The following TTC23 variants were observed in gnomAD, a reference collection of about 807,000 sequenced individuals.
The protein encoded by TTC23 is tetratricopeptide repeat protein 23.
TTC23 carries 58 observed loss-of-function variants against 55.1 expected under a neutral mutation model. That is an observed-to-expected ratio of 1.05 (90% confidence interval 0.85 to 1.31). TTC23 has a LOEUF of 1.31. Among genes scored for constraint, TTC23 ranks in the 50% most tolerant of loss-of-function variants. TTC23 has a pLI of 0.00. For synonymous variants in TTC23, 203 were observed against 199.9 expected, an observed-to-expected ratio of 1.02 and a Z score of -0.13; for missense variants, 516 against 534.4, an observed-to-expected ratio of 0.97 and a Z score of 0.34.
At chr15:99,138,495 G>A (rs1310544930) in intron 13 of TTC23, among the ~76,000 whole-genome samples, 1 of 152,100 alleles carries the variant, frequency 6.6e-6, no homozygotes, top group Non-Finnish European at 1.5e-5. Context: ...TGTATTTTTA[G>A]TAGAGACGAA....
chr15:99,249,165 C>T lies in TTC23; in HGVS notation c.-431+6G>A, dbSNP rs2080516656. 1.3e-5 allele frequency: 2 copies of T among 152,122 alleles called. No homozygotes were observed. The highest frequency in any genetic ancestry group is 6.5e-5 in the Admixed American group (1 of 15,272). The allele number at this position is 152,122 out of a possible 1,614,324, so 9.4% of individuals were successfully genotyped here. A position where few individuals can be genotyped will look rare whatever the true frequency, so the allele number is the denominator to read the frequency against. On this transcript the variant is annotated splice_donor_region_variant and intron_variant, in intron 1 of 13. Transcript: ENST00000394132. The stretch of plus-strand genomic sequence containing the variant: ...ATAGTTAATCTTATTATCTTGCCTC[C>T]TTTACCTTTCAAAAATCCACTGATA...
chr15:99,182,262 A>T (rs1464266808), intron 9 of TTC23, among the ~76,000 whole-genome samples: 2 of 150,812 alleles, frequency 1.3e-5, no homozygotes, highest in Non-Finnish European at 1.5e-5. Context: ...ACACACACAC[A>T]CACACACACA....
At chr15:99,251,101 TGAAG>T (rs1165124044), upstream of TTC23, 1 of 152,126 alleles carries the variant, frequency 6.6e-6, no homozygotes, top group African/African-American at 2.4e-5. Context: ...AATGTATGAA[TGAAG>T]GAACAGGTCA....
At chr15:99,138,275 A>G in intron 13 of TTC23, 148 bp from the exon 14 acceptor site, 1 of 912,374 alleles carries the variant, frequency 1.1e-6, no homozygotes, top group Non-Finnish European at 1.6e-6. Flanking sequence ...TGTAGCACAG[A>G]GCATAAAACA....
At chr15:99,205,129 G>A (rs2076519712) in intron 8 of TTC23, among the ~76,000 whole-genome samples, 1 of 152,096 alleles carries the variant, frequency 6.6e-6, no homozygotes, top group East Asian at 1.9e-4. Context: ...TTTATTTCCG[G>A]GGTTTCTATT....
intron 9 of TTC23, among the ~76,000 whole-genome samples, chr15:99,177,284 C>A (rs1295535614): frequency 1.3e-5 from 2 of 152,176 alleles, no homozygotes; most frequent in African/African-American, 4.8e-5. Flanking sequence ...CAACAATATC[C>A]TTTGCTTTAA....
At chr15:99,187,849 T>C (rs1403334366) in intron 9 of TTC23, among the ~76,000 whole-genome samples, 1 of 152,054 alleles carries the variant, frequency 6.6e-6, no homozygotes, top group Admixed American at 6.5e-5. Context: ...TAAGAAGTGT[T>C]GGTGAGGATG....
At chr15:99,143,538 C>T (rs2068486345) in intron 12 of TTC23, among the ~76,000 whole-genome samples, 1 of 152,232 alleles carries the variant, frequency 6.6e-6, no homozygotes, top group Non-Finnish European at 1.5e-5. Context: ...TATGCTGCTC[C>T]TTGTAATCAG....
At chr15:99,235,444 CA>C (rs2042881550) in intron 3 of TTC23, among the ~76,000 whole-genome samples, 1 of 150,288 alleles carries the variant, frequency 6.7e-6, no homozygotes, top group African/African-American at 2.5e-5. Context: ...GATCTCGGCT[CA>C]CTGCAATCTC....
chr15:99,177,277 C>G (rs941896722), intron 9 of TTC23, among the ~76,000 whole-genome samples: 1 of 152,190 alleles, frequency 6.6e-6, no homozygotes, highest in Non-Finnish European at 1.5e-5. Flanking sequence ...TAAGTGCCAA[C>G]AATATCCTTT....
intron 10 of TTC23, among the ~76,000 whole-genome samples, chr15:99,171,736 G>C (rs949680860): frequency 6.6e-6 from 1 of 150,662 alleles, no homozygotes; most frequent in South Asian, 2.1e-4. Flanking sequence ...CTAATTTTTT[G>C]TATTTTTAGT....
At chr15:99,182,609 T>A (rs987403611) in intron 9 of TTC23, among the ~76,000 whole-genome samples, 24 of 152,194 alleles carry the variant, frequency 1.6e-4, no homozygotes, top group African/African-American at 5.1e-4. Context: ...TCTGTCAAAT[T>A]TATCACTTTC....
intron 5 of TTC23, among the ~76,000 whole-genome samples, chr15:99,222,528 T>C (rs1422942910): frequency 1.3e-5 from 2 of 152,206 alleles, no homozygotes; most frequent in African/African-American, 2.4e-5. Flanking sequence ...TTCAAAACTT[T>C]CCTTAGCCAT....
chr15:99,147,171 C>T lies in TTC23; in HGVS notation c.1144-7772G>A, dbSNP rs1159481454. Among the ~76,000 whole-genome samples, 3 of 149,258 alleles carry T rather than the reference C, an allele frequency of 2.0e-5. 1 individual carries two copies. Among genetic ancestry groups the T allele is most frequent in the African/African-American group, 7.6e-5 (3 of 39,664 alleles). On this transcript the variant is annotated intron_variant, in intron 12 of 13. Coordinates refer to ENST00000394132, the MANE Select transcript of TTC23 (RefSeq NM_001288615.3). ...AGGTGGTCCACCCACCTCGGCCTCT[C>T]AAAGTGTTGGGATTATAGGTGTGAG... is the stretch of plus-strand genomic sequence containing the variant.
At chr15:99,234,429 G>A (rs2152080112) in intron 4 of TTC23, among the ~76,000 whole-genome samples, 1 of 152,292 alleles carries the variant, frequency 6.6e-6, no homozygotes, top group South Asian at 2.1e-4. Flanking sequence ...GGAGTGCAGT[G>A]GCGTGATCTC....
At chr15:99,164,267 G>C (rs1480862001) in intron 10 of TTC23, among the ~76,000 whole-genome samples, 1 of 152,176 alleles carries the variant, frequency 6.6e-6, no homozygotes, top group Admixed American at 6.5e-5. Flanking sequence ...TGCTGTTGTA[G>C]CATGAAAGCA....
intron 6 of TTC23, among the ~76,000 whole-genome samples, chr15:99,220,624 T>C (rs2077844904): frequency 6.6e-6 from 1 of 152,202 alleles, no homozygotes; most frequent in Non-Finnish European, 1.5e-5. Context: ...CAGTCTATAA[T>C]CAGATTTGGC....
intron 9 of TTC23, among the ~76,000 whole-genome samples, chr15:99,183,025 G>T (rs913904127): frequency 6.6e-6 from 1 of 152,188 alleles, no homozygotes; most frequent in Non-Finnish European, 1.5e-5. Flanking sequence ...ACTGGGTAAT[G>T]GGCAGAGGTT....
At chr15:99,139,644 T>C in intron 12 of TTC23, 1 of 1,480,460 alleles carries the variant, frequency 6.8e-7, no homozygotes, top group South Asian at 1.2e-5. Flanking sequence ...ATGCAAAAAA[T>C]AGATTTAAAA....
Sources: allele counts gnomAD v4.1 joint callset (sites outside exome capture counted in the v4.1 genomes callset), GRCh38; gene constraint gnomAD v4.1.1; transcripts MANE v1.5; gene names NCBI Gene and HGNC (gene_info 2026-07-23, HGNC 2026-07-21).